PIGH: variants seen among roughly 807,000 people sequenced by gnomAD.
PIGH encodes the protein phosphatidylinositol glycan anchor biosynthesis class H.
PIGH carries 11 observed loss-of-function variants against 20.1 expected under a neutral mutation model. That is an observed-to-expected ratio of 0.55 (90% confidence interval 0.34 to 0.91). The LOEUF is 0.91. Ranked by LOEUF, PIGH falls within the 40% of genes least tolerant of loss-of-function variation. The pLI, the probability that PIGH is intolerant of heterozygous loss-of-function variation, is 0.02. For missense variants in PIGH, 189 were observed against 233.6 expected, an observed-to-expected ratio of 0.81 and a Z score of 1.24; for synonymous variants, 72 against 93.1, an observed-to-expected ratio of 0.77 and a Z score of 1.31.
In PIGH at chr14:67,593,855, A is replaced by G. The variant is rs1182751905; in HGVS notation, c.278T>C (p.Ile93Thr). The stretch of plus-strand genomic sequence containing the variant: ...AGTCATCTGAATGCCAAGGGAATCA[A>G]TGATTAACAGAGTCTCCTGATCAAT... ...VKIDQETLLI[I>T]DSLGIQMTSS... Residue 93 changes from isoleucine to threonine, a missense_variant, in exon 2 of 4, where the codon ATT becomes ACT. By Grantham distance (89) the Ile-to-Thr change is moderately conservative. Transcript: ENST00000216452. The G allele has an allele frequency of 1.9e-6, 3 of 1,612,784 alleles. No homozygotes were observed. In the Admixed American group the frequency reaches 5.0e-5, roughly 27 times the overall value.
chr14:67,592,821 T>C lies in PIGH; in HGVS notation c.391-103A>G, dbSNP rs147983794. The C allele has an allele frequency of 2.4e-3, 1,839 of 767,476 alleles. 25 individuals are homozygous for C. In the African/African-American group the frequency reaches 0.029, roughly 12 times the overall value. 47.5% of individuals were successfully genotyped at this position (767,476 alleles called of 1,614,324 possible). ...TTATTTTTGAGACAGAGTCTCTCTC[T>C]GTTGCCCAAGCTGCAGTGCAGTGGC... On this transcript the variant is annotated intron_variant, in intron 2 of 3. Transcript: ENST00000216452.
At chr14:67,596,563 C>G (rs1160181292) in intron 1 of PIGH, among the ~76,000 whole-genome samples, 1 of 152,128 alleles carries the variant, frequency 6.6e-6, no homozygotes, top group Non-Finnish European at 1.5e-5. Context: ...TTTGCACTGA[C>G]AAGATGCCCT....
chr14:67,594,876 G>A (rs991315173), intron 1 of PIGH, among the ~76,000 whole-genome samples: 1 of 152,130 alleles, frequency 6.6e-6, no homozygotes, highest in Non-Finnish European at 1.5e-5. Context: ...TAGGCCGGGC[G>A]CGGTGGCTCA....
chr14:67,595,076 G>A, intron 1 of PIGH, among the ~76,000 whole-genome samples: 1 of 152,114 alleles, frequency 6.6e-6, no homozygotes, highest in Non-Finnish European at 1.5e-5. Context: ...GGTGGAGCTT[G>A]CAGTGAGCCG....
intron 2 of PIGH, 30 bp downstream of exon 2, chr14:67,593,713 G>A (rs2036418985): frequency 2.2e-6 from 3 of 1,360,446 alleles, no homozygotes; most frequent in Non-Finnish European, 3.2e-6. Flanking sequence ...CTCCAGAGAG[G>A]CCTGTAATAC....
chr14:67,599,930 C>T, intron 1 of PIGH, 94 bp downstream of exon 1: 1 of 1,065,946 alleles, frequency 9.4e-7, no homozygotes. Context: ...TAGGAGGGGC[C>T]GACCAGAGGT....
chr14:67,592,472 G>T (rs1175689392), intron 3 of PIGH, 163 bp downstream of exon 3: 1 of 569,712 alleles, frequency 1.8e-6, no homozygotes, highest in African/African-American at 1.9e-5. Flanking sequence ...ATATTTTTAA[G>T]GAATACATTT....
intron 2 of PIGH, 23 bp from the exon 3 acceptor site, chr14:67,592,741 G>A (rs1377387985): frequency 7.2e-7 from 1 of 1,395,318 alleles, no homozygotes; most frequent in Non-Finnish European, 1.0e-6. Flanking sequence ...AAATCAAATA[G>A]CAAAGTCTAA....
intron 1 of PIGH, among the ~76,000 whole-genome samples, chr14:67,596,147 C>T (rs1167770796): frequency 2.6e-5 from 4 of 151,764 alleles, no homozygotes; most frequent in African/African-American, 4.8e-5. Flanking sequence ...TTCATTGATT[C>T]GAGACAGAAT....
chr14:67,591,660 T>C (rs2140607945), intron 3 of PIGH: 1 of 152,338 alleles, frequency 6.6e-6, no homozygotes, highest in Admixed American at 6.5e-5. Context: ...GCTTCCCCAG[T>C]AGCTGGGACC....
At chr14:67,591,271 A>G (rs1056193239) in intron 3 of PIGH, among the ~76,000 whole-genome samples, 3 of 152,202 alleles carry the variant, frequency 2.0e-5, no homozygotes, top group South Asian at 4.1e-4. Flanking sequence ...TAAATCCACT[A>G]TTAGCCAGGA....
intron 1 of PIGH, 62 bp downstream of exon 1, chr14:67,599,962 A>G (rs902746777): frequency 6.3e-6 from 9 of 1,424,448 alleles, no homozygotes; most frequent in Admixed American, 4.4e-5. Context: ...CAAAGACCCC[A>G]AAGACCCTCC....
At chr14:67,595,358 C>A (rs913491602) in intron 1 of PIGH, among the ~76,000 whole-genome samples, 2 of 152,132 alleles carry the variant, frequency 1.3e-5, no homozygotes, top group Non-Finnish European at 2.9e-5. Context: ...TCCGCATCAT[C>A]CTAAAGTCAA....
At chr14:67,594,759 G>A (rs1469576228) in intron 1 of PIGH, among the ~76,000 whole-genome samples, 1 of 152,026 alleles carries the variant, frequency 6.6e-6, no homozygotes, top group Non-Finnish European at 1.5e-5. Context: ...TTAATATTTA[G>A]TTCTAGCACT....
Position 67,589,508 on chromosome 14 carries a change from A to G in PIGH, c.*572T>C, listed in dbSNP as rs922843169. 5 of 985,294 alleles carry G rather than the reference A, an allele frequency of 5.1e-6. No individual in the cohort carries two copies. The highest frequency in any genetic ancestry group is 6.0e-6 in the Non-Finnish European group (5 of 829,810). 61.0% of individuals were successfully genotyped at this position (985,294 alleles called of 1,614,324 possible). On this transcript the variant is annotated 3_prime_UTR_variant, in exon 4 of 4. Coordinates refer to ENST00000216452, the MANE Select transcript of PIGH (RefSeq NM_004569.5). ...TGAAATACTATGATCTTGTTTGTCAATAAAAAGCAGCTATCTGTGAACCAG... is the reference window on the plus strand; with the variant it reads ...TGAAATACTATGATCTTGTTTGTCAGTAAAAAGCAGCTATCTGTGAACCAG...
chr14:67,599,949 G>A, intron 1 of PIGH, 75 bp downstream of exon 1: 2 of 1,292,972 alleles, frequency 1.5e-6, no homozygotes, highest in Non-Finnish European at 2.1e-6. Flanking sequence ...GTCCGGGCTC[G>A]ACCAAAGACC....
At chr14:67,596,148 G>A (rs1020258148) in intron 1 of PIGH, among the ~76,000 whole-genome samples, 4 of 151,720 alleles carry the variant, frequency 2.6e-5, no homozygotes, top group East Asian at 3.9e-4. Flanking sequence ...TCATTGATTC[G>A]AGACAGAATT....
intron 1 of PIGH, among the ~76,000 whole-genome samples, chr14:67,596,419 G>A (rs2036476153): frequency 6.7e-6 from 1 of 148,710 alleles, no homozygotes; most frequent in Non-Finnish European, 1.5e-5. Context: ...GGGATTCCAG[G>A]TGTGAGCCAC....
rs770545858 is a variant in PIGH at position 67,590,009 on chromosome 14, G to A, written c.*71C>T. The A allele has an allele frequency of 9.0e-5, 133 of 1,483,292 alleles. No individual in the cohort carries two copies. The highest frequency in any genetic ancestry group is 7.9e-5 in the Non-Finnish European group (88 of 1,113,424). 91.9% of individuals were successfully genotyped at this position (1,483,292 alleles called of 1,614,324 possible). A position where few individuals can be genotyped will look rare whatever the true frequency, so the allele number is the denominator to read the frequency against. ...GTGTCCACCTGATGGTTTGGAGTAC[G>A]GAAAACCAGCCCCTATGGCTTAAGA... On this transcript the variant is annotated 3_prime_UTR_variant, in exon 4 of 4. Coordinates refer to ENST00000216452, the MANE Select transcript of PIGH (RefSeq NM_004569.5).
Sources: allele counts gnomAD v4.1 joint callset (sites outside exome capture counted in the v4.1 genomes callset), GRCh38; gene constraint gnomAD v4.1.1; transcripts MANE v1.5; gene names NCBI Gene and HGNC (gene_info 2026-07-23, HGNC 2026-07-21).